ARHGAP10: variants seen among roughly 807,000 people sequenced by gnomAD.
The protein encoded by ARHGAP10 is rho GTPase-activating protein 10.
In ARHGAP10, 87 loss-of-function variants were observed where a neutral mutation model predicts 108.6. The ratio of observed to expected loss-of-function variants is 0.80; its 90% CI spans 0.67 to 0.96. ARHGAP10 has a LOEUF of 0.96. Among genes scored for constraint, ARHGAP10 ranks in the 40% least tolerant of loss-of-function variants. The pLI is 0.00. For missense variants in ARHGAP10, 939 were observed against 954.5 expected (o/e 0.98, Z 0.21); for synonymous variants, 347 against 341.1 (o/e 1.02, Z -0.19).
At position 147,871,257 on chromosome 4, in the gene ARHGAP10, C is replaced by T. The variant is rs901464149; in HGVS notation, c.703-3764C>T. Among the ~76,000 whole-genome samples, 4 of 151,812 alleles carry T rather than the reference C, an allele frequency of 2.6e-5. No homozygotes were observed. The South Asian group carries it at 6.3e-4, about 24-fold the overall frequency. On this transcript the variant is annotated intron_variant, in intron 7 of 22. Transcript: ENST00000336498. ...ATAGGTGTGAGCCACCACGTCCGGC[C>T]GTGTGTGTGTTTTTAAAAGAGATTA...
intron 1 of ARHGAP10, among the ~76,000 whole-genome samples, chr4:147,807,440 A>G (rs1731836801): frequency 6.7e-6 from 1 of 150,200 alleles, no homozygotes; most frequent in Admixed American, 6.6e-5. Context: ...TTCCAGAATT[A>G]TTTTTTTTTT....
At chr4:148,049,937 G>A (rs188822461) in intron 20 of ARHGAP10, among the ~76,000 whole-genome samples, 208 of 151,804 alleles carry the variant, frequency 1.4e-3, no homozygotes, top group African/African-American at 4.7e-3. Flanking sequence ...GCATGATCTC[G>A]GCTCACTGCA....
chr4:147,973,262 C>T (rs1400462334), intron 18 of ARHGAP10, among the ~76,000 whole-genome samples: 2 of 152,194 alleles, frequency 1.3e-5, no homozygotes, highest in Admixed American at 1.3e-4. Context: ...ACATGGCTCA[C>T]TGGTCACCCT....
intron 18 of ARHGAP10, among the ~76,000 whole-genome samples, chr4:147,978,165 A>G (rs777255485): frequency 2.9e-4 from 44 of 151,964 alleles, no homozygotes; most frequent in Admixed American, 3.9e-4. Flanking sequence ...TGATTTATTC[A>G]TTTATTTTTT....
chr4:147,900,565 G>A (rs893500396), intron 10 of ARHGAP10, among the ~76,000 whole-genome samples: 11 of 152,202 alleles, frequency 7.2e-5, no homozygotes, highest in African/African-American at 2.4e-4. Flanking sequence ...ATGGTATCTG[G>A]AACTTAGTAG....
chr4:147,922,390 T>TA lies in ARHGAP10; in HGVS notation c.1228+9265dup, dbSNP rs548007269. Among the ~76,000 whole-genome samples the TA allele has an allele frequency of 4.7e-3, 671 of 142,738 alleles. 6 individuals are homozygous for TA. The highest frequency in any genetic ancestry group is 0.016 in the South Asian group (70 of 4,488). The allele number at this position is 142,738 out of a possible 152,430, so 93.6% of individuals were successfully genotyped here. A position where few individuals can be genotyped will look rare whatever the true frequency, so the allele number is the denominator to read the frequency against. On this transcript the variant is annotated intron_variant, in intron 13 of 22. Coordinates refer to ENST00000336498, the MANE Select transcript of ARHGAP10 (RefSeq NM_024605.4). ...TAACCTCTCAGACCCTTAGTTCCTT[T>TA]AAAAAAAAAAAAAAGTTGGCCGGGC...
chr4:148,059,023 C>T (rs7697204), intron 20 of ARHGAP10, among the ~76,000 whole-genome samples: 95,880 of 152,132 alleles, frequency 0.63, 32,763 homozygotes, highest in East Asian at 0.84. Context: ...TCAGTCTGTG[C>T]ATTTTCAGGA....
At chr4:147,785,105 AAC>A (rs1730832254) in intron 1 of ARHGAP10, among the ~76,000 whole-genome samples, 1 of 140,964 alleles carries the variant, frequency 7.1e-6, no homozygotes, top group African/African-American at 2.5e-5. Flanking sequence ...AAAAAAGAAT[AAC>A]ATCTAAGCTA....
intron 10 of ARHGAP10, among the ~76,000 whole-genome samples, chr4:147,895,590 T>TG (rs1735963111): frequency 6.9e-6 from 1 of 145,226 alleles, no homozygotes; most frequent in Non-Finnish European, 1.5e-5. Flanking sequence ...GAGGCTGAGG[T>TG]GGGAAGACAG....
intron 13 of ARHGAP10, among the ~76,000 whole-genome samples, chr4:147,913,414 T>C (rs1406134406): frequency 4.6e-5 from 7 of 152,184 alleles, no homozygotes; most frequent in Admixed American, 4.6e-4. Flanking sequence ...ATACCACAGA[T>C]TGGGTGGCTT....
chr4:147,934,503 T>C (rs1737845296), intron 13 of ARHGAP10, among the ~76,000 whole-genome samples: 1 of 152,202 alleles, frequency 6.6e-6, no homozygotes, highest in Admixed American at 6.5e-5. Flanking sequence ...GTTAACGCTT[T>C]TGATTTTGGG....
intron 1 of ARHGAP10, among the ~76,000 whole-genome samples, chr4:147,752,084 C>A (rs1474364712): frequency 6.6e-6 from 1 of 152,018 alleles, no homozygotes; most frequent in Non-Finnish European, 1.5e-5. Flanking sequence ...AGGGTTTCAC[C>A]ATATTGGCCA....
chr4:147,989,592 C>T (rs964951747), intron 18 of ARHGAP10, among the ~76,000 whole-genome samples: 1 of 152,170 alleles, frequency 6.6e-6, no homozygotes, highest in Non-Finnish European at 1.5e-5. Context: ...GATATTTCTC[C>T]CATTTGCTTT....
intron 3 of ARHGAP10, among the ~76,000 whole-genome samples, chr4:147,824,338 G>A (rs919815331): frequency 2.6e-5 from 4 of 151,068 alleles, no homozygotes; most frequent in Admixed American, 1.3e-4. Flanking sequence ...AAAAAAATAC[G>A]GATTCTTTTT....
intron 19 of ARHGAP10, among the ~76,000 whole-genome samples, chr4:148,023,617 G>A (rs1329479838): frequency 6.6e-6 from 1 of 152,190 alleles, no homozygotes; most frequent in Non-Finnish European, 1.5e-5. Context: ...TCTTTGTTAT[G>A]CATGGTTCTT....
intron 1 of ARHGAP10, among the ~76,000 whole-genome samples, chr4:147,766,627 T>TACACACATAC (rs1729827565): frequency 7.2e-6 from 1 of 138,922 alleles, no homozygotes; most frequent in Non-Finnish European, 1.6e-5. Context: ...TATACACATA[T>TACACACATAC]ATATACGTAT....
chr4:147,798,761 CTCTCTCTCTCTCTCTCTCTCT>C (rs1731435885), intron 1 of ARHGAP10, among the ~76,000 whole-genome samples: 1 of 30,892 alleles, frequency 3.2e-5, no homozygotes, highest in African/African-American at 1.1e-4. Context: ...CTCTCTCTCT[CTCTCTCTCTCTCTCTCTCTCT>C]ATATATATAT....
intron 18 of ARHGAP10, among the ~76,000 whole-genome samples, chr4:147,975,567 A>G (rs1407261367): frequency 6.6e-6 from 1 of 152,218 alleles, no homozygotes; most frequent in African/African-American, 2.4e-5. Context: ...TCATGGCAGA[A>G]GGACAAGAGA....
At chr4:147,835,154 G>A (rs1733117733) in intron 3 of ARHGAP10, among the ~76,000 whole-genome samples, 2 of 152,148 alleles carry the variant, frequency 1.3e-5, no homozygotes, top group African/African-American at 2.4e-5. Flanking sequence ...TCACACCTGA[G>A]GATACAATGA....
Sources: gnomAD v4.1 joint callset for allele counts (sites outside exome capture counted in the v4.1 genomes callset) on GRCh38, gnomAD v4.1.1 for gene constraint, MANE v1.5 for transcripts, NCBI Gene and HGNC (gene_info 2026-07-23, HGNC 2026-07-21) for gene names.